FHDC1: variants seen among roughly 807,000 people sequenced by gnomAD.
The protein encoded by FHDC1 is FH2 domain containing 1.
In FHDC1, 25 loss-of-function variants were observed where a neutral mutation model predicts 52.6. The observed-to-expected ratio is 0.48, with a 90% CI of 0.35 to 0.66. The LOEUF (loss-of-function observed/expected upper bound fraction) is 0.66. FHDC1 is among the 30% of genes least tolerant of loss of function. FHDC1 has a pLI of 0.01. For missense variants in FHDC1, 1,459 were observed against 1,452.8 expected (o/e 1.00, Z -0.07); for synonymous variants, 616 against 581.5 (o/e 1.06, Z -0.85).
rs1195952745 is a variant in FHDC1, at chr4:152,974,944, G to T, written c.1653G>T (p.Leu551=). 2 of 1,612,532 alleles carry T rather than the reference G, an allele frequency of 1.2e-6. No individual in the cohort carries two copies. The highest frequency in any genetic ancestry group is 1.7e-6 in the Non-Finnish European group (2 of 1,179,880). The change falls in exon 12 of 12, where the codon CTG becomes CTT. Residue 551 remains leucine (L), a synonymous_variant. Coordinates refer to ENST00000511601, the MANE Select transcript of FHDC1 (RefSeq NM_001371116.1). ...TGGGTCCCTCTGCTGACCGGGAGCT[G>T]CTGACCTTCTTGGAGAGCTCCACCG... ...LSLGPSADRE[L]LTFLESSTGS...
chr4:152,919,944 C>CTTTT, the FHDC1 span, among the ~76,000 whole-genome samples: 4 of 70,300 alleles, frequency 5.7e-5, no homozygotes, highest in Non-Finnish European at 8.1e-5. Context: ...TAGGGAAGTT[C>CTTTT]TTTTTTTTTT....
chr4:152,937,400 C>T (rs1739416896), intron 1 of FHDC1, among the ~76,000 whole-genome samples: 1 of 152,138 alleles, frequency 6.6e-6, no homozygotes, highest in Admixed American at 6.5e-5. Flanking sequence ...GCGCAGCGTG[C>T]TAAACCCCCG....
intron 4 of FHDC1, among the ~76,000 whole-genome samples, chr4:152,956,481 T>C (rs372985989): frequency 3.3e-5 from 5 of 152,298 alleles, no homozygotes; most frequent in African/African-American, 1.2e-4. Flanking sequence ...CAAAGGGATT[T>C]TTCAAAGAAG....
At chr4:152,940,268 G>T (rs1015373687) in intron 1 of FHDC1, among the ~76,000 whole-genome samples, 2 of 152,194 alleles carry the variant, frequency 1.3e-5, no homozygotes, top group African/African-American at 2.4e-5. Context: ...AGAAGCCGTT[G>T]GGGGGCTAGG....
chr4:152,968,870 T>A (rs1314262413), intron 10 of FHDC1, among the ~76,000 whole-genome samples: 1 of 152,174 alleles, frequency 6.6e-6, no homozygotes, highest in African/African-American at 2.4e-5. Context: ...TTGTTTATGT[T>A]GAAGAAACAA....
rs373735764 is a variant in FHDC1, at chr4:152,963,074, T to C, written c.973T>C (p.Leu325=). The change falls in exon 8 of 12, where the codon TTG becomes CTG. Residue 325 remains leucine (L), a synonymous_variant. Transcript: ENST00000511601. ...ATTTAAACTGTCTTCTTTGCTCAAA[T>C]TGGCAGACACAAAAGCAAACAAACC... The part of the protein sequence containing the change: ...VGFKLSSLLK[L]ADTKANKPGM... 2.5e-6 allele frequency: 4 copies of C among 1,613,780 alleles called. No individual in the cohort carries two copies. In the African/African-American group the frequency reaches 5.3e-5, roughly 22 times the overall value.
rs775443291 is a variant in FHDC1, at chr4:152,975,774, C to T, written c.2483C>T (p.Pro828Leu). 9 of 1,555,388 alleles carry T rather than the reference C, an allele frequency of 5.8e-6. No homozygotes were observed. The highest frequency in any genetic ancestry group is 7.8e-6 in the Non-Finnish European group (9 of 1,149,402). Residue 828 changes from proline to leucine, a missense_variant, in exon 12 of 12, where the codon CCC (proline) becomes CTC (leucine). Coordinates refer to ENST00000511601, the MANE Select transcript of FHDC1 (RefSeq NM_001371116.1). Reference sequence around the variant, plus strand: ...GTCTCCTCCAACCCTACATCCAGCCCCCCTGGGGAGGCTCCTGCCCCCGTC... The same window carrying T: ...GTCTCCTCCAACCCTACATCCAGCCTCCCTGGGGAGGCTCCTGCCCCCGTC... ...SQVSSNPTSSPPGEAPAPVSV... is the reference protein window; with the variant it reads ...SQVSSNPTSSLPGEAPAPVSV...
upstream of FHDC1, among the ~76,000 whole-genome samples, chr4:152,933,206 G>A (rs1233550230): frequency 1.3e-5 from 2 of 152,194 alleles, no homozygotes; most frequent in African/African-American, 2.4e-5. Context: ...GCCAGTAGCT[G>A]GGCAGACTTT....
chr4:152,911,921 C>G, the FHDC1 span: 1 of 152,488 alleles, frequency 6.6e-6, no homozygotes, highest in East Asian at 1.9e-4. Flanking sequence ...AATCGTTTCT[C>G]TGGACCTTCA....
chr4:152,943,181 C>G lies in FHDC1; in HGVS notation c.124C>G (p.Pro42Ala), dbSNP rs147179268. The G allele has an allele frequency of 1.1e-4, 172 of 1,613,464 alleles. No individual in the cohort carries two copies. The highest frequency in any genetic ancestry group is 1.0e-3 in the South Asian group (92 of 90,988). Residue 42 changes from proline to alanine, a missense_variant, in exon 2 of 12, where the codon CCT (proline) becomes GCT (alanine). Physicochemically the swap from Pro to Ala is conservative, Grantham distance 27. Around this residue, in one of 3 missense-constraint regions of FHDC1, gnomAD observed 513 missense variants for 581.5 expected, o/e 0.88. Coordinates refer to ENST00000511601, the MANE Select transcript of FHDC1 (RefSeq NM_001371116.1). ...ACCTCCTCCACCTCCTCCTCCACCC[C>G]CTCCATCTCCACCATGTTCATGTTC... ...PAPPPPPPPP[P>A]PSPPCSCSRE...
At chr4:152,937,815 T>A (rs1228231980) in intron 1 of FHDC1, among the ~76,000 whole-genome samples, 1 of 151,892 alleles carries the variant, frequency 6.6e-6, no homozygotes. Context: ...TCGCGTTCAG[T>A]TTGCTGACCC....
Position 152,976,148 on chromosome 4 carries a change from GA to G in FHDC1, c.2859del (p.Glu954SerfsTer94). On this transcript the variant is annotated frameshift_variant, in exon 12 of 12. Transcript: ENST00000511601. LOFTEE classifies it low-confidence loss of function (END_TRUNC). ...NSVRRASTGA[E>X]EQRLPRGSSG... is the part of the protein sequence containing the mutation. ...CGTGCGGAGGGCCTCCACAGGCGCC[GA>G]AGAGCAGAGGCTGCCGCGGGGGAGC... 1 of 1,611,824 alleles carries G rather than the reference GA, an allele frequency of 6.2e-7. No individual in the cohort carries two copies. The highest frequency in any genetic ancestry group is 8.5e-7 in the Non-Finnish European group (1 of 1,179,358).
chr4:152,926,793 A>G, the FHDC1 span, among the ~76,000 whole-genome samples: 1 of 149,740 alleles, frequency 6.7e-6, no homozygotes, highest in Non-Finnish European at 1.5e-5. Context: ...GAGTTGGTCA[A>G]ACCCAATGGG....
At chr4:152,939,913 G>T (rs1355747400) in intron 1 of FHDC1, among the ~76,000 whole-genome samples, 1 of 152,158 alleles carries the variant, frequency 6.6e-6, no homozygotes, top group Non-Finnish European at 1.5e-5. Context: ...CAGACAGAGT[G>T]GGGGCTAATC....
At chr4:152,915,596 T>G in the FHDC1 span, among the ~76,000 whole-genome samples, 1 of 152,334 alleles carries the variant, frequency 6.6e-6, no homozygotes, top group East Asian at 1.9e-4. Context: ...GACAGTAGGA[T>G]GTTTACAGAA....
intron 2 of FHDC1, among the ~76,000 whole-genome samples, chr4:152,944,657 C>T (rs1277673091): frequency 1.3e-5 from 2 of 152,286 alleles, no homozygotes; most frequent in East Asian, 3.9e-4. Context: ...GTGTGATCTC[C>T]TGTTGAAATA....
chr4:152,975,017 C>T lies in FHDC1; in HGVS notation c.1726C>T (p.Pro576Ser), dbSNP rs776420223. Reference sequence around the variant, plus strand: ...GTTCCACAGCCTGCCCCGGAGCAGCCCCCGGCAGGCCCGGCCCACGATAGC... The same window carrying T: ...GTTCCACAGCCTGCCCCGGAGCAGCTCCCGGCAGGCCCGGCCCACGATAGC... The part of the protein sequence containing the change: ...NKFHSLPRSS[P>S]RQARPTIACL... The change falls in exon 12 of 12, where the codon CCC becomes TCC. Residue 576 changes from proline (P) to serine (S), a missense_variant. Physicochemically the swap from Pro to Ser is moderately conservative, Grantham distance 74. Around this residue, in one of 3 missense-constraint regions of FHDC1, gnomAD observed 939 missense variants for 854.5 expected, o/e 1.10. Coordinates refer to ENST00000511601, the MANE Select transcript of FHDC1 (RefSeq NM_001371116.1). The T allele has an allele frequency of 4.3e-6, 7 of 1,612,532 alleles. No individual in the cohort carries two copies. The highest frequency in any genetic ancestry group is 5.9e-6 in the Non-Finnish European group (7 of 1,179,828).
At chr4:152,960,906 A>G in intron 6 of FHDC1, 62 bp downstream of exon 6, 1 of 1,241,620 alleles carries the variant, frequency 8.1e-7, no homozygotes, top group Non-Finnish European at 1.1e-6. Context: ...CAGTTTTTTA[A>G]AAAAGCCAAA....
the FHDC1 span, among the ~76,000 whole-genome samples, chr4:152,921,494 G>A: frequency 1.3e-5 from 2 of 151,938 alleles, no homozygotes; most frequent in Non-Finnish European, 2.9e-5. Context: ...TTTATAGTCT[G>A]TGAATTTCAG....
Sources: allele counts gnomAD v4.1 joint callset (sites outside exome capture counted in the v4.1 genomes callset), GRCh38; gene constraint gnomAD v4.1.1; regional missense constraint gnomAD v4.1.1; transcripts MANE v1.5; gene names NCBI Gene and HGNC (gene_info 2026-07-23, HGNC 2026-07-21).